Variants in LIPI observed in about 807,000 individuals in gnomAD.
LIPI encodes lipase I, also known as lipase member I.
In LIPI, 59 loss-of-function variants were observed where a neutral mutation model predicts 50.6. That is an observed-to-expected ratio of 1.16 (90% CI 0.94 to 1.45). The LOEUF (loss-of-function observed/expected upper bound fraction) is 1.45, where lower values mean the gene tolerates loss of function less well. Ranked by LOEUF, LIPI falls within the 40% of genes most tolerant of loss-of-function variation. The pLI is 0.00. For synonymous variants in LIPI, 203 were observed against 178.2 expected (o/e 1.14, Z -1.11); for missense variants, 586 against 536.3 (o/e 1.09, Z -0.92).
intron 8 of LIPI, among the ~76,000 whole-genome samples, chr21:14,146,460 A>C (rs2017907638): frequency 6.6e-6 from 1 of 152,132 alleles, no homozygotes; most frequent in African/African-American, 2.4e-5. Context: ...AAATATCAAA[A>C]CTGATTTGAA....
intron 9 of LIPI, among the ~76,000 whole-genome samples, chr21:14,112,979 G>A (rs749013438): frequency 4.6e-5 from 7 of 152,070 alleles, no homozygotes; most frequent in African/African-American, 1.4e-4. Flanking sequence ...TAGTCCACTC[G>A]ATAAGGCACA....
chr21:14,171,871 CT>C (rs1189688467), intron 4 of LIPI, among the ~76,000 whole-genome samples: 1 of 149,340 alleles, frequency 6.7e-6, no homozygotes, highest in African/African-American at 2.5e-5. Context: ...GAAATGGGAT[CT>C]AATTAAACTA....
chr21:14,177,503 C>G (rs547613832), intron 4 of LIPI, among the ~76,000 whole-genome samples: 1 of 152,046 alleles, frequency 6.6e-6, no homozygotes, highest in East Asian at 1.9e-4. Flanking sequence ...TGCATTCTTT[C>G]TCTCTTTTCT....
At position 14,167,793 on chromosome 21, in the gene LIPI, T is replaced by G. The variant is rs142729848; in HGVS notation, c.644-1342A>C. Among the ~76,000 whole-genome samples, 1,169 of 152,118 alleles carry G rather than the reference T, an allele frequency of 7.7e-3. 12 individuals carry two copies. Among genetic ancestry groups the G allele is most frequent in the African/African-American group, 0.018 (748 of 41,444 alleles). ...AACAGAGCAGAAAAACTGGAAACTC[T>G]AAAAAGCAGAGTGCCTCTCCTCCTC... On this transcript the variant is annotated intron_variant, in intron 4 of 9. Transcript: ENST00000681601.
intron 9 of LIPI, among the ~76,000 whole-genome samples, chr21:14,122,864 T>C (rs1453176293): frequency 1.3e-5 from 2 of 152,238 alleles, no homozygotes; most frequent in African/African-American, 4.8e-5. Context: ...CTCAATGAGC[T>C]AAAGTTCAAG....
chr21:14,172,160 C>T (rs1383520457), intron 4 of LIPI, among the ~76,000 whole-genome samples: 1 of 151,658 alleles, frequency 6.6e-6, no homozygotes, highest in African/African-American at 2.4e-5. Context: ...ATCAAAACCA[C>T]AATGAGATAC....
At chr21:14,176,474 A>G (rs900972242) in intron 4 of LIPI, among the ~76,000 whole-genome samples, 1 of 151,850 alleles carries the variant, frequency 6.6e-6, no homozygotes, top group African/African-American at 2.4e-5. Context: ...TGAATCCAAA[A>G]AGGTTTAATA....
chr21:14,186,954 T>C (rs530898615), intron 2 of LIPI, among the ~76,000 whole-genome samples: 1 of 152,328 alleles, frequency 6.6e-6, no homozygotes, highest in East Asian at 1.9e-4. Context: ...TGGTATTTTG[T>C]TACAGCAGCC....
intron 9 of LIPI, among the ~76,000 whole-genome samples, chr21:14,132,417 C>T (rs138502489): frequency 7.5e-4 from 114 of 152,222 alleles, no homozygotes; most frequent in African/African-American, 2.6e-3. Flanking sequence ...TTTCAAAGTG[C>T]TGAAAACACA....
chr21:14,123,722 C>G (rs1174849915), intron 9 of LIPI, among the ~76,000 whole-genome samples: 1 of 152,156 alleles, frequency 6.6e-6, no homozygotes, highest in Non-Finnish European at 1.5e-5. Context: ...TACCGCACCC[C>G]TATTTACATG....
At chr21:14,171,633 TA>T (rs2018911534) in intron 4 of LIPI, among the ~76,000 whole-genome samples, 1 of 150,784 alleles carries the variant, frequency 6.6e-6, no homozygotes, top group Non-Finnish European at 1.5e-5. Context: ...CCCTATTTAA[TA>T]AATGGTGCTG....
At position 14,179,800 on chromosome 21, in the gene LIPI, G is replaced by A. The variant is rs2019210374; in HGVS notation, c.643+1958C>T. On this transcript the variant is annotated intron_variant, in intron 4 of 9. Transcript: ENST00000681601. ...GATAATTGTGTTAACCATACACATT[G>A]ATTGTAAAACATATGCGTTTGAACA... Among the ~76,000 whole-genome samples, 3 of 152,140 alleles carry A rather than the reference G, an allele frequency of 2.0e-5. No homozygotes were observed. The South Asian group carries it at 6.2e-4, about 31-fold the overall frequency.
chr21:14,139,464 G>A (rs772755710), intron 9 of LIPI, among the ~76,000 whole-genome samples: 3 of 151,532 alleles, frequency 2.0e-5, no homozygotes, highest in Non-Finnish European at 2.9e-5. Flanking sequence ...ATTTATTTCT[G>A]CATTTATTCA....
At chr21:14,120,411 G>A (rs2016819475) in intron 9 of LIPI, among the ~76,000 whole-genome samples, 1 of 152,172 alleles carries the variant, frequency 6.6e-6, no homozygotes, top group South Asian at 2.1e-4. Context: ...TGCTCATGGA[G>A]CCATTTACAA....
intron 9 of LIPI, among the ~76,000 whole-genome samples, chr21:14,131,199 C>T (rs2017281565): frequency 6.6e-6 from 1 of 152,098 alleles, no homozygotes; most frequent in South Asian, 2.1e-4. Context: ...ATCCACCCAC[C>T]TCGGCCTCCC....
chr21:14,117,392 T>C (rs1351908310), intron 9 of LIPI, among the ~76,000 whole-genome samples: 1 of 152,176 alleles, frequency 6.6e-6, no homozygotes, highest in Non-Finnish European at 1.5e-5. Flanking sequence ...GTAATACAAG[T>C]GGCTAATCAG....
At chr21:14,113,020 A>G (rs1027805185) in intron 9 of LIPI, among the ~76,000 whole-genome samples, 10 of 152,206 alleles carry the variant, frequency 6.6e-5, no homozygotes, top group Admixed American at 3.3e-4. Flanking sequence ...AGTGGGAATC[A>G]TTACACCTAG....
At chr21:14,117,343 C>T (rs1401486104) in intron 9 of LIPI, among the ~76,000 whole-genome samples, 3 of 152,144 alleles carry the variant, frequency 2.0e-5, no homozygotes, top group Admixed American at 6.5e-5. Flanking sequence ...CTGCAAGCAG[C>T]TCCTTCTGTC....
intron 4 of LIPI, among the ~76,000 whole-genome samples, chr21:14,176,356 A>G (rs946141334): frequency 2.0e-5 from 3 of 151,782 alleles, no homozygotes; most frequent in African/African-American, 4.8e-5. Context: ...GTGTGTTTCT[A>G]TCGTTTAATT....
Sources: allele counts gnomAD v4.1 joint callset (sites outside exome capture counted in the v4.1 genomes callset), GRCh38; gene constraint gnomAD v4.1.1; transcripts MANE v1.5; gene names NCBI Gene and HGNC (gene_info 2026-07-23, HGNC 2026-07-21).